Variants in ATP11A observed in about 807,000 individuals in gnomAD.
ATP11A encodes ATPase phospholipid transporting 11A.
A neutral mutation model predicts 154.4 loss-of-function variants in ATP11A; 81 were observed. That is an observed-to-expected ratio of 0.52 (90% confidence interval 0.44 to 0.63). ATP11A has a LOEUF of 0.63. ATP11A is among the 30% of genes least tolerant of loss of function. The pLI, the probability that ATP11A is intolerant of heterozygous loss-of-function variation, is 0.00. For missense variants in ATP11A, 1,316 were observed against 1,474.3 expected, an observed-to-expected ratio of 0.89 and a Z score of 1.76; for synonymous variants, 623 against 585.9, an observed-to-expected ratio of 1.06 and a Z score of -0.91.
At chr13:112,775,034 G>A (rs1397252355) in intron 1 of ATP11A, among the ~76,000 whole-genome samples, 3 of 152,260 alleles carry the variant, frequency 2.0e-5, no homozygotes, top group African/African-American at 4.8e-5. Flanking sequence ...GGGCTGCAGC[G>A]TGTGCCTCGG....
chr13:112,816,084 T>C lies in ATP11A; in HGVS notation c.443T>C (p.Val148Ala). 1 of 1,614,144 alleles carries C rather than the reference T, an allele frequency of 6.2e-7. No homozygotes were observed. The highest frequency in any genetic ancestry group is 8.5e-7 in the Non-Finnish European group (1 of 1,180,024). Residue 148 changes from valine to alanine, a missense_variant and splice_region_variant, in exon 6 of 30, where the codon GTT becomes GCT. By Grantham distance (64) the Val-to-Ala change is moderately conservative. Transcript: ENST00000375645. ...LVRKQSRKLR[V>A]GDIVMVKEDE... ...CATCCTTTCTGCTTTGTCCTGTAGG[T>C]TGGGGACATTGTCATGGTTAAGGAG...
chr13:112,733,855 A>AT (rs1024022831), intron 1 of ATP11A, among the ~76,000 whole-genome samples: 1 of 151,872 alleles, frequency 6.6e-6, no homozygotes, highest in African/African-American at 2.4e-5. Context: ...GCCAAATCTC[A>AT]TTTTTCTGAC....
chr13:112,766,879 GCTGGGAGCC>G lies in ATP11A; in HGVS notation c.40-18254_40-18246del, dbSNP rs1566450053. ...GGGAAGGTGGGGAGGGTGTGGGAGT[GCTGGGAGCC>G]CCTGTGGAAAGGTGGGGAGATGTGG... On this transcript the variant is annotated intron_variant, in intron 1 of 29. Transcript: ENST00000375645. Among the ~76,000 whole-genome samples, 21 of 9,442 alleles carry G rather than the reference GCTGGGAGCC, an allele frequency of 2.2e-3. 8 individuals are homozygous for G. In the African/African-American group the frequency reaches 0.034, roughly 15 times the overall value. The allele number at this position is 9,442 out of a possible 152,430, so 6.2% of individuals were successfully genotyped here.
chr13:112,711,673 C>A (rs1303923783), intron 1 of ATP11A, among the ~76,000 whole-genome samples: 1 of 152,218 alleles, frequency 6.6e-6, no homozygotes, highest in East Asian at 1.9e-4. Flanking sequence ...GGGCTTTGGA[C>A]CGGGCAAGAC....
At chr13:112,716,938 G>GCACCTC (rs1805403049) in intron 1 of ATP11A, among the ~76,000 whole-genome samples, 1 of 151,788 alleles carries the variant, frequency 6.6e-6, no homozygotes, top group Admixed American at 6.6e-5. Flanking sequence ...GGAGGCCCGT[G>GCACCTC]CACTTTCCCT....
intron 1 of ATP11A, among the ~76,000 whole-genome samples, chr13:112,781,454 A>C (rs1424981214): frequency 6.6e-6 from 1 of 152,182 alleles, no homozygotes; most frequent in African/African-American, 2.4e-5. Context: ...TTTCGTTGCT[A>C]ACTGTACAGA....
intron 29 of ATP11A, 107 bp from the exon 30 acceptor site, chr13:112,881,769 C>T (rs759484184): frequency 7.4e-7 from 1 of 1,353,424 alleles, no homozygotes; most frequent in South Asian, 1.2e-5. Context: ...CCCAGGCAGC[C>T]CCGTGGGTAT....
chr13:112,779,172 T>TG (rs2077431716), intron 1 of ATP11A, among the ~76,000 whole-genome samples: 1 of 98,952 alleles, frequency 1.0e-5, no homozygotes, highest in Non-Finnish European at 1.9e-5. Flanking sequence ...GCCACTGGAG[T>TG]ACGAGTAGCC....
intron 1 of ATP11A, among the ~76,000 whole-genome samples, chr13:112,763,008 A>G (rs1252735449): frequency 6.6e-6 from 1 of 152,232 alleles, no homozygotes; most frequent in Non-Finnish European, 1.5e-5. Context: ...CTTTAATTTC[A>G]AAAAGCATTT....
At chr13:112,881,721 C>T (rs1164467247) in intron 29 of ATP11A, 155 bp from the exon 30 acceptor site, 44 of 1,304,128 alleles carry the variant, frequency 3.4e-5, no homozygotes, top group Non-Finnish European at 3.9e-5. Context: ...CTGCAGGAGG[C>T]GATGGTAGTG....
At chr13:112,864,992 A>AG (rs562116634) in intron 25 of ATP11A, among the ~76,000 whole-genome samples, 2 of 99,904 alleles carry the variant, frequency 2.0e-5, no homozygotes, top group African/African-American at 3.3e-5. Flanking sequence ...AATTCAGTGC[A>AG]GCCCGCGCAG....
chr13:112,693,936 G>A (rs528806736), intron 1 of ATP11A, among the ~76,000 whole-genome samples: 9 of 152,212 alleles, frequency 5.9e-5, no homozygotes, highest in Non-Finnish European at 8.8e-5. Context: ...TGGGCAACAA[G>A]AGCGAAACTC....
intron 2 of ATP11A, among the ~76,000 whole-genome samples, chr13:112,791,985 A>G (rs917198722): frequency 2.0e-5 from 3 of 152,238 alleles, no homozygotes; most frequent in South Asian, 4.1e-4. Flanking sequence ...TGGCGGGGCC[A>G]GGAGAGCACT....
intron 1 of ATP11A, among the ~76,000 whole-genome samples, chr13:112,742,555 G>T (rs775885120): frequency 6.6e-6 from 1 of 152,240 alleles, no homozygotes; most frequent in African/African-American, 2.4e-5. Flanking sequence ...GAAAACCTGA[G>T]AATTTGCTCA....
chr13:112,755,323 C>G (rs1379558521), intron 1 of ATP11A, among the ~76,000 whole-genome samples: 1 of 152,166 alleles, frequency 6.6e-6, no homozygotes, highest in Non-Finnish European at 1.5e-5. Flanking sequence ...GTCCCACCCT[C>G]TCCTTGGATC....
chr13:112,880,744 A>G, intron 29 of ATP11A: 2 of 1,168,620 alleles, frequency 1.7e-6, no homozygotes, highest in Non-Finnish European at 2.2e-6. Flanking sequence ...CTTTGATAAC[A>G]AAGGTTCACG....
chr13:112,791,331 G>A (rs1048248946), intron 2 of ATP11A, among the ~76,000 whole-genome samples: 3 of 152,260 alleles, frequency 2.0e-5, no homozygotes, highest in African/African-American at 7.2e-5. Context: ...TGGGGGCCGT[G>A]AAGGCATCAC....
chr13:112,824,982 TA>T (rs2078895298), intron 10 of ATP11A, among the ~76,000 whole-genome samples: 1 of 152,314 alleles, frequency 6.6e-6, no homozygotes, highest in African/African-American at 2.4e-5. Context: ...CTTTCAGAGT[TA>T]TTTACTTTTC....
intron 6 of ATP11A, among the ~76,000 whole-genome samples, chr13:112,818,690 A>G (rs777038971): frequency 9.9e-5 from 15 of 152,218 alleles, no homozygotes; most frequent in Non-Finnish European, 1.9e-4. Context: ...CAGCATCGGC[A>G]TCACTGGGCA....
Sources: gnomAD v4.1 joint callset for allele counts (sites outside exome capture counted in the v4.1 genomes callset) on GRCh38, gnomAD v4.1.1 for gene constraint, MANE v1.5 for transcripts, NCBI Gene and HGNC (gene_info 2026-07-23, HGNC 2026-07-21) for gene names.